The following CAB39L variants were observed in gnomAD, a reference collection of about 807,000 sequenced individuals.
The protein encoded by CAB39L is calcium-binding protein 39-like.
Under a neutral mutation model 39.1 loss-of-function variants are expected in CAB39L, and 23 were observed. That is an observed-to-expected ratio of 0.59 (90% CI 0.42 to 0.83). The LOEUF (loss-of-function observed/expected upper bound fraction) is 0.83, where lower values mean the gene tolerates loss of function less well. Among genes scored for constraint, CAB39L ranks in the 40% least tolerant of loss-of-function variants. The probability of loss-of-function intolerance (pLI) is 0.00; values close to 1 mark genes in which losing one functional copy is unlikely to be tolerated. For synonymous variants in CAB39L, 126 were observed against 137.2 expected (o/e 0.92, Z 0.57); for missense variants, 366 against 391.9 (o/e 0.93, Z 0.56).
At chr13:49,391,602 T>G (rs1397617598) in intron 3 of CAB39L, among the ~76,000 whole-genome samples, 4 of 152,128 alleles carry the variant, frequency 2.6e-5, no homozygotes, top group Admixed American at 1.3e-4. Context: ...ATAATAAAAT[T>G]TATATGGGTT....
intron 7 of CAB39L, among the ~76,000 whole-genome samples, chr13:49,345,433 T>C (rs917131841): frequency 2.0e-5 from 3 of 152,118 alleles, no homozygotes; most frequent in Non-Finnish European, 4.4e-5. Context: ...ACATGGTGTT[T>C]TTCCCCCCCA....
chr13:49,342,400 C>CAT (rs1955031663), intron 8 of CAB39L, among the ~76,000 whole-genome samples: 1 of 152,028 alleles, frequency 6.6e-6, no homozygotes, highest in Non-Finnish European at 1.5e-5. Context: ...CCATAAATAT[C>CAT]ATATACACAT....
chr13:49,373,238 T>C (rs1350771573), intron 5 of CAB39L, among the ~76,000 whole-genome samples: 1 of 152,214 alleles, frequency 6.6e-6, no homozygotes, highest in Non-Finnish European at 1.5e-5. Context: ...TTCTCAAATT[T>C]CTGTTACTTT....
At chr13:49,423,979 T>G (rs551851627) in intron 3 of CAB39L, among the ~76,000 whole-genome samples, 2 of 152,280 alleles carry the variant, frequency 1.3e-5, no homozygotes, top group African/African-American at 4.8e-5. Context: ...TTCACTCTAT[T>G]AACAATAAAA....
intron 3 of CAB39L, among the ~76,000 whole-genome samples, chr13:49,386,967 C>A (rs1234629235): frequency 6.6e-6 from 1 of 152,180 alleles, no homozygotes; most frequent in Non-Finnish European, 1.5e-5. Context: ...CCAATCACAT[C>A]ATTTAGCCCA....
At chr13:49,337,774 ACG>A (rs1954888335) in intron 9 of CAB39L, among the ~76,000 whole-genome samples, 1 of 129,800 alleles carries the variant, frequency 7.7e-6, no homozygotes, top group South Asian at 2.6e-4. Flanking sequence ...ACACACACAC[ACG>A]CCTATCTCCC....
intron 10 of CAB39L, among the ~76,000 whole-genome samples, chr13:49,320,728 G>C (rs376906872): frequency 1.9e-4 from 29 of 152,106 alleles, no homozygotes; most frequent in Non-Finnish European, 3.5e-4. Flanking sequence ...CCACCCCATC[G>C]AAGTGTCAAA....
chr13:49,352,918 T>C (rs1310332840), intron 6 of CAB39L, among the ~76,000 whole-genome samples: 2 of 152,222 alleles, frequency 1.3e-5, no homozygotes, highest in Non-Finnish European at 2.9e-5. Flanking sequence ...TGTACTACTC[T>C]TTATAAGATT....
At chr13:49,362,724 G>T (rs906056594) in intron 5 of CAB39L, among the ~76,000 whole-genome samples, 3 of 151,812 alleles carry the variant, frequency 2.0e-5, no homozygotes, top group Non-Finnish European at 2.9e-5. Flanking sequence ...CCTAGAGAAA[G>T]ATATGAATAT....
chr13:49,389,496 C>T (rs770709082), intron 3 of CAB39L, among the ~76,000 whole-genome samples: 2 of 152,150 alleles, frequency 1.3e-5, no homozygotes, highest in African/African-American at 4.8e-5. Context: ...CAAAAATTAG[C>T]TGGGTGTGGT....
chr13:49,377,737 C>A (rs1245565196), intron 4 of CAB39L, among the ~76,000 whole-genome samples: 1 of 82,978 alleles, frequency 1.2e-5, no homozygotes, highest in African/African-American at 7.3e-5. Context: ...GATCTCGGCT[C>A]ACTACAACCT....
At chr13:49,336,791 C>T (rs1290240055) in intron 9 of CAB39L, among the ~76,000 whole-genome samples, 3 of 152,148 alleles carry the variant, frequency 2.0e-5, no homozygotes, top group South Asian at 2.1e-4. Flanking sequence ...CTACAAATAA[C>T]GAGTTCTGTT....
chr13:49,404,535 T>C (rs1594065269), intron 3 of CAB39L, among the ~76,000 whole-genome samples: 1 of 150,216 alleles, frequency 6.7e-6, no homozygotes, highest in South Asian at 2.1e-4. Context: ...ATGACAAACA[T>C]CCAGAAGCAT....
rs111664849 is a variant in CAB39L, at chr13:49,376,891, GTAGA to G, written c.276+72_276+75del. The G allele has an allele frequency of 6.7e-3, 5,267 of 786,142 alleles. 27 individuals carry two copies. The highest frequency in any genetic ancestry group is 0.01 in the South Asian group (338 of 32,832). 48.7% of individuals were successfully genotyped at this position (786,142 alleles called of 1,614,324 possible). A position where few individuals can be genotyped will look rare whatever the true frequency, so the allele number is the denominator to read the frequency against. On this transcript the variant is annotated intron_variant, in intron 5 of 10. Coordinates refer to ENST00000409308, the MANE Select transcript of CAB39L (RefSeq NM_001079670.3). ...CATAATGAAAAGCAAAAGTTGAATA[GTAGA>G]TAGATAGATAGATAGATAGATAGAT...
chr13:49,408,081 G>A (rs1157473454), intron 3 of CAB39L, among the ~76,000 whole-genome samples: 9 of 152,118 alleles, frequency 5.9e-5, no homozygotes, highest in Non-Finnish European at 1.3e-4. Context: ...AAAGGGCAAA[G>A]AAACAGTAGG....
intron 10 of CAB39L, among the ~76,000 whole-genome samples, chr13:49,325,449 G>A (rs541716203): frequency 9.9e-5 from 15 of 152,268 alleles, no homozygotes; most frequent in African/African-American, 3.4e-4. Flanking sequence ...CCATGAGTAC[G>A]GTTAGATTTG....
At chr13:49,361,477 C>CAAAAG (rs1555256941) in intron 5 of CAB39L, among the ~76,000 whole-genome samples, 9 of 54,454 alleles carry the variant, frequency 1.7e-4, no homozygotes, top group Admixed American at 3.0e-4. Flanking sequence ...GACTTCATCT[C>CAAAAG]AAAAAAAAAA....
chr13:49,374,357 C>T (rs1250360544), intron 5 of CAB39L, among the ~76,000 whole-genome samples: 2 of 152,028 alleles, frequency 1.3e-5, no homozygotes, highest in African/African-American at 4.8e-5. Flanking sequence ...AAGTAATCCA[C>T]AAGAGTAATC....
chr13:49,423,839 T>C (rs1261941014), intron 3 of CAB39L, among the ~76,000 whole-genome samples: 2 of 152,108 alleles, frequency 1.3e-5, no homozygotes, highest in Non-Finnish European at 2.9e-5. Flanking sequence ...CAAAAAGTAA[T>C]TGTAGACCTA....
Sources: gnomAD v4.1 joint callset for allele counts (sites outside exome capture counted in the v4.1 genomes callset) on GRCh38, gnomAD v4.1.1 for gene constraint, MANE v1.5 for transcripts, NCBI Gene and HGNC (gene_info 2026-07-23, HGNC 2026-07-21) for gene names.